Variants in PACSIN2 observed in about 807,000 individuals in gnomAD.
PACSIN2 encodes the protein protein kinase C and casein kinase substrate in neurons 2.
A neutral mutation model predicts 63.8 loss-of-function variants in PACSIN2; 25 were observed. The observed-to-expected ratio is 0.39, with a 90% CI of 0.29 to 0.55. PACSIN2 has a LOEUF of 0.55. PACSIN2 is among the 20% of genes least tolerant of loss of function. The pLI is 0.62. For missense variants in PACSIN2, 518 were observed against 646.9 expected (o/e 0.80, Z 2.16); for synonymous variants, 255 against 256.2 (o/e 1.00, Z 0.05).
chr22:42,978,315 G>T (rs1921847882), intron 1 of PACSIN2, among the ~76,000 whole-genome samples: 1 of 152,212 alleles, frequency 6.6e-6, no homozygotes, highest in South Asian at 2.1e-4. Flanking sequence ...GCAGTCAACA[G>T]TTGATTACCA....
At chr22:42,915,409 T>C (rs112484924) in intron 1 of PACSIN2, among the ~76,000 whole-genome samples, 3,410 of 152,274 alleles carry the variant, frequency 0.022, 122 homozygotes, top group African/African-American at 0.079. Flanking sequence ...CCCATACTTA[T>C]TCACTTTCCT....
intron 1 of PACSIN2, among the ~76,000 whole-genome samples, chr22:42,934,027 GAACAGCC>G (rs1338397796): frequency 6.6e-6 from 1 of 152,194 alleles, no homozygotes; most frequent in Non-Finnish European, 1.5e-5. Flanking sequence ...ATACTTACAA[GAACAGCC>G]AGTTCTTTAA....
chr22:42,871,143 T>TCTGCGTCTTC lies in PACSIN2; in HGVS notation c.*204_*213dup, dbSNP rs1032512203. On this transcript the variant is annotated 3_prime_UTR_variant, in exon 11 of 11. Coordinates refer to ENST00000263246, the MANE Select transcript of PACSIN2 (RefSeq NM_001184970.3). The surrounding 1 kb of genome is among the most constrained non-coding windows in gnomAD (Gnocchi z 5.4). ...GGGGAGGGGCGGCTATTTCTGTTGT[T>TCTGCGTCTTC]CTGCGTCTTCCTGCGCTCAGATCCC... The TCTGCGTCTTC allele has an allele frequency of 3.4e-6, 2 of 586,648 alleles. No homozygotes were observed. Among genetic ancestry groups the TCTGCGTCTTC allele is most frequent in the African/African-American group, 1.9e-5 (1 of 53,774 alleles). The allele number at this position is 586,648 out of a possible 1,614,324, so 36.3% of individuals were successfully genotyped here. A position where few individuals can be genotyped will look rare whatever the true frequency, so the allele number is the denominator to read the frequency against.
chr22:42,910,598 C>T (rs1931386558), intron 2 of PACSIN2, among the ~76,000 whole-genome samples: 1 of 152,252 alleles, frequency 6.6e-6, no homozygotes, highest in South Asian at 2.1e-4. Flanking sequence ...AGTTTCACGG[C>T]CAACCTCCTG....
chr22:42,997,037 G>T (rs1038178026), intron 1 of PACSIN2, among the ~76,000 whole-genome samples: 1 of 152,176 alleles, frequency 6.6e-6, no homozygotes, highest in Non-Finnish European at 1.5e-5. Flanking sequence ...GCTAGAAGGG[G>T]GCTGGGAGGT....
intron 1 of PACSIN2, among the ~76,000 whole-genome samples, chr22:43,012,154 AATACATACATACATAC>A (rs71311476): frequency 6.8e-4 from 91 of 134,006 alleles, no homozygotes; most frequent in Admixed American, 8.1e-4. Flanking sequence ...AAAATAAATA[AATACATACATACATAC>A]ATACATACAT....
intron 7 of PACSIN2, among the ~76,000 whole-genome samples, chr22:42,881,892 T>A (rs1929103352): frequency 6.6e-6 from 1 of 152,022 alleles, no homozygotes; most frequent in African/African-American, 2.4e-5. Flanking sequence ...CTCCTGAGAC[T>A]GACTAGGAAG....
chr22:42,932,571 A>G (rs1261548206), intron 1 of PACSIN2, among the ~76,000 whole-genome samples: 1 of 152,224 alleles, frequency 6.6e-6, no homozygotes, highest in Non-Finnish European at 1.5e-5. Flanking sequence ...ATAAAAGGAT[A>G]TCAAATAAGA....
chr22:42,983,330 A>G (rs1209573030), intron 1 of PACSIN2, among the ~76,000 whole-genome samples: 1 of 150,504 alleles, frequency 6.6e-6, no homozygotes, highest in Non-Finnish European at 1.5e-5. Context: ...AAAAAAAAAA[A>G]AAAAAAGAAA....
At chr22:42,896,439 G>C (rs1930292992) in intron 2 of PACSIN2, among the ~76,000 whole-genome samples, 1 of 150,902 alleles carries the variant, frequency 6.6e-6, no homozygotes, top group Non-Finnish European at 1.5e-5. Flanking sequence ...CGACTGTGTA[G>C]GTATACCACT....
chr22:42,901,672 G>A (rs762964253), intron 2 of PACSIN2, among the ~76,000 whole-genome samples: 1 of 151,884 alleles, frequency 6.6e-6, no homozygotes, highest in African/African-American at 2.4e-5. Context: ...CGCCTGCCAC[G>A]GCGATCGCCT....
At chr22:42,915,240 G>A (rs1251834082) in intron 1 of PACSIN2, among the ~76,000 whole-genome samples, 1 of 152,192 alleles carries the variant, frequency 6.6e-6, no homozygotes, top group Non-Finnish European at 1.5e-5. Flanking sequence ...TTAGGAGTAA[G>A]AGCCTGAATC....
intron 1 of PACSIN2, among the ~76,000 whole-genome samples, chr22:43,012,197 ACAT>A (rs1924543643): frequency 7.6e-6 from 1 of 131,788 alleles, no homozygotes; most frequent in Non-Finnish European, 1.6e-5. Context: ...ATACATACAT[ACAT>A]ACAAACATAC....
intron 6 of PACSIN2, 44 bp downstream of exon 6, chr22:42,884,342 G>A (rs377097257): frequency 2.1e-4 from 326 of 1,560,142 alleles, no homozygotes; most frequent in Middle Eastern, 3.4e-4. Flanking sequence ...AGCACTTTCC[G>A]TTGACTTCAA....
chr22:43,011,628 G>A (rs371037013), intron 1 of PACSIN2, among the ~76,000 whole-genome samples: 2 of 152,324 alleles, frequency 1.3e-5, no homozygotes, highest in South Asian at 4.1e-4. Flanking sequence ...AAAAGGCAAG[G>A]ACATCTGCGA....
intron 1 of PACSIN2, among the ~76,000 whole-genome samples, chr22:42,992,932 G>A (rs577335266): frequency 6.6e-6 from 1 of 152,348 alleles, no homozygotes; most frequent in African/African-American, 2.4e-5. Flanking sequence ...GGGAGGCTGA[G>A]GCGGGCAGAT....
chr22:43,012,802 G>A (rs1250891764), intron 1 of PACSIN2, among the ~76,000 whole-genome samples: 1 of 152,066 alleles, frequency 6.6e-6, no homozygotes, highest in Non-Finnish European at 1.5e-5. Flanking sequence ...ACAGGTATGA[G>A]CACCACCACA....
intron 1 of PACSIN2, among the ~76,000 whole-genome samples, chr22:42,954,156 G>A (rs1933817359): frequency 6.6e-6 from 1 of 152,164 alleles, no homozygotes; most frequent in Admixed American, 6.5e-5. Flanking sequence ...CCAGCTACTT[G>A]GGAGGCTGAG....
At chr22:43,005,233 G>A (rs1924018745) in intron 1 of PACSIN2, among the ~76,000 whole-genome samples, 1 of 152,186 alleles carries the variant, frequency 6.6e-6, no homozygotes, top group Non-Finnish European at 1.5e-5. Flanking sequence ...CTAGGGATAA[G>A]CTATCATTAC....
Sources: gnomAD v4.1 joint callset for allele counts (sites outside exome capture counted in the v4.1 genomes callset) on GRCh38, gnomAD v4.1.1 for gene constraint, Gnocchi (gnomAD v3.1) non-coding constraint, MANE v1.5 for transcripts, NCBI Gene and HGNC (gene_info 2026-07-23, HGNC 2026-07-21) for gene names.